MIB2: variants seen among roughly 807,000 people sequenced by gnomAD.
MIB2 encodes MIB E3 ubiquitin protein ligase 2.
Under a neutral mutation model 96.6 loss-of-function variants are expected in MIB2, and 78 were observed. The ratio of observed to expected loss-of-function variants is 0.81; its 90% CI spans 0.67 to 0.97. MIB2 has a LOEUF of 0.97. Among genes scored for constraint, MIB2 ranks in the 50% least tolerant of loss-of-function variants. The probability of loss-of-function intolerance (pLI) is 0.00; values close to 1 mark genes in which losing one functional copy is unlikely to be tolerated. For missense variants in MIB2, 1,543 were observed against 1,424.0 expected (o/e 1.08, Z -1.35); for synonymous variants, 820 against 629.5 (o/e 1.30, Z -4.53).
At position 1,629,279 on chromosome 1, in the gene MIB2, C is replaced by T. The variant is rs551860185; in HGVS notation, c.2349C>T (p.Leu783=). 3 of 1,540,374 alleles carry T rather than the reference C, an allele frequency of 1.9e-6. No homozygotes were observed. Among genetic ancestry groups the T allele is most frequent in the Non-Finnish European group, 2.6e-6 (3 of 1,155,780 alleles). Residue 783 remains leucine, a synonymous_variant, in exon 17 of 20, where the codon CTC becomes CTT. Transcript: ENST00000355826. ...ACCTGGCCGCCGAGGGTCGCGTGCT[C>T]AAGGCCCTTCAGGGCTGCGCCCAGC... ...PLDLAAEGRV[L]KALQGCAQRF... is the part of the protein sequence containing the mutation.
chr1:1,617,514 C>G (rs1211322507), intron 2 of MIB2: 1 of 152,168 alleles, frequency 6.6e-6, no homozygotes, highest in African/African-American at 2.4e-5. Flanking sequence ...GTGGTTAAGA[C>G]GGTAAATGCT....
chr1:1,628,424 C>T (rs558160842), intron 15 of MIB2, 25 bp downstream of exon 15: 2 of 1,606,172 alleles, frequency 1.2e-6, no homozygotes, highest in Non-Finnish European at 1.7e-6. Context: ...CAGTCCTGCC[C>T]AAGGACCGGG....
chr1:1,615,310 G>A (rs1570446575), upstream of MIB2: 1 of 1,374,662 alleles, frequency 7.3e-7, no homozygotes, highest in Non-Finnish European at 9.4e-7. Flanking sequence ...TATGGCAACC[G>A]AGTGCGTCTC....
chr1:1,621,244 G>C (rs1644234979), intron 2 of MIB2, among the ~76,000 whole-genome samples: 2 of 152,230 alleles, frequency 1.3e-5, no homozygotes, highest in African/African-American at 4.8e-5. Flanking sequence ...GTCACCCTGG[G>C]TGGTGGGTGG....
chr1:1,622,906 G>A (rs1412677437), intron 2 of MIB2, among the ~76,000 whole-genome samples: 2 of 152,182 alleles, frequency 1.3e-5, no homozygotes, highest in African/African-American at 4.8e-5. Flanking sequence ...CATCGTGTTT[G>A]CCGTTTTTCT....
intron 2 of MIB2, among the ~76,000 whole-genome samples, chr1:1,620,578 A>G (rs1339281415): frequency 6.6e-6 from 1 of 152,098 alleles, no homozygotes; most frequent in Non-Finnish European, 1.5e-5. Flanking sequence ...CTGCAACCCT[A>G]AGGAGCAGTG....
chr1:1,629,056 G>C, intron 16 of MIB2, 77 bp from the exon 17 acceptor site: 2 of 1,337,052 alleles, frequency 1.5e-6, no homozygotes, highest in Non-Finnish European at 1.9e-6. Context: ...GGCTGCTGGG[G>C]CTGCCAGGTG....
In MIB2 at chr1:1,629,417, G is replaced by GCCCCAGGCAAACGCTCGGGA; in HGVS notation, c.2419_2438dup (p.Asn814GlyfsTer10). The GCCCCAGGCAAACGCTCGGGA allele has an allele frequency of 2.7e-6, 4 of 1,484,620 alleles. No homozygotes were observed. Among genetic ancestry groups the GCCCCAGGCAAACGCTCGGGA allele is most frequent in the Non-Finnish European group, 3.5e-6 (4 of 1,127,360 alleles). The allele number at this position is 1,484,620 out of a possible 1,614,324, so 92.0% of individuals were successfully genotyped here. ...CAGGCGGGCGGGGGCGCGGCCCCGG[G>GCCCCAGGCAAACGCTCGGGA]CCCCAGGCAAACGCTCGGGACCCCC... On this transcript the variant is annotated frameshift_variant, in exon 18 of 20. Transcript: ENST00000355826. LOFTEE classifies it high-confidence loss of function.
rs1323514557 is a variant in MIB2, at chr1:1,630,299, T to C, written c.2637T>C (p.Ser879=). ...VVSKKLRPDG[S]EVASAAPAPG... Reference sequence around the variant, plus strand: ...CCGTCCCCCACCCCGCAGACGGCTCTGAGGTGGCGAGCGCCGCCCCCGCCC... The same window carrying C: ...CCGTCCCCCACCCCGCAGACGGCTCCGAGGTGGCGAGCGCCGCCCCCGCCC... The change falls in exon 20 of 20, where the codon TCT becomes TCC. Residue 879 remains serine, a synonymous_variant. Coordinates refer to ENST00000355826, the MANE Select transcript of MIB2 (RefSeq NM_001170687.4). 5.2e-5 allele frequency: 73 copies of C among 1,400,384 alleles called. No individual in the cohort carries two copies. Among genetic ancestry groups the C allele is most frequent in the Non-Finnish European group, 6.6e-5 (70 of 1,066,778 alleles). The allele number at this position is 1,400,384 out of a possible 1,614,324, so 86.7% of individuals were successfully genotyped here.
In MIB2 at chr1:1,628,015, G is replaced by C. The variant is rs773226030; in HGVS notation, c.1681-4G>C. 2 of 1,612,340 alleles carry C rather than the reference G, an allele frequency of 1.2e-6. No individual in the cohort carries two copies. Among genetic ancestry groups the C allele is most frequent in the Admixed American group, 1.7e-5 (1 of 59,988 alleles). On this transcript the variant is annotated splice_polypyrimidine_tract_variant and splice_region_variant and intron_variant, in intron 13 of 19. Coordinates refer to ENST00000355826, the MANE Select transcript of MIB2 (RefSeq NM_001170687.4). The stretch of plus-strand genomic sequence containing the variant: ...CCAGGTGACCACTGACTCCGCCCCA[G>C]CAGGACGCCCACTCGGACACGCCCC...
In MIB2 at chr1:1,629,754, C is replaced by T. The variant is rs372506730; in HGVS notation, c.2629+50C>T. The T allele has an allele frequency of 1.4e-5, 21 of 1,504,776 alleles. No individual in the cohort carries two copies. The African/African-American group carries it at 2.5e-4, about 18-fold the overall frequency. The allele number at this position is 1,504,776 out of a possible 1,614,324, so 93.2% of individuals were successfully genotyped here. A position where few individuals can be genotyped will look rare whatever the true frequency, so the allele number is the denominator to read the frequency against. On this transcript the variant is annotated intron_variant, in intron 19 of 19. Coordinates refer to ENST00000355826, the MANE Select transcript of MIB2 (RefSeq NM_001170687.4). ...CACGCCTCCTGCTCAGCTGGTGGCC[C>T]GCGGGTCCCCGTCCCCCACCCCTTC...
chr1:1,626,444 C>T lies in MIB2; in HGVS notation c.973-206C>T, dbSNP rs1248032643. Reference sequence around the variant, plus strand: ...CTGCCTGGACACTCCTCCCATGGCTCTGGGGCTAGGGACACCCAGGGCTGC... The same window carrying T: ...CTGCCTGGACACTCCTCCCATGGCTTTGGGGCTAGGGACACCCAGGGCTGC... On this transcript the variant is annotated intron_variant, in intron 8 of 19. Transcript: ENST00000355826. The surrounding 1 kb of genome is among the most constrained non-coding windows in gnomAD (Gnocchi z 5.3). 2 of 564,946 alleles carry T rather than the reference C, an allele frequency of 3.5e-6. No individual in the cohort carries two copies. The highest frequency in any genetic ancestry group is 6.2e-6 in the Non-Finnish European group (2 of 321,526). The allele number at this position is 564,946 out of a possible 1,614,324, so 35.0% of individuals were successfully genotyped here. A position where few individuals can be genotyped will look rare whatever the true frequency, so the allele number is the denominator to read the frequency against.
At chr1:1,627,649 C>G (rs1248280356) in intron 12 of MIB2, 24 bp from the exon 13 acceptor site, 1 of 1,584,506 alleles carries the variant, frequency 6.3e-7, no homozygotes, top group Non-Finnish European at 8.5e-7. Context: ...GGCGCCCTCC[C>G]TCTCCCACTT....
In MIB2 at chr1:1,624,852, G is replaced by A. The variant is rs746414309; in HGVS notation, c.477G>A (p.Gln159=). ...GGATCCCACTAAGGGGCATCTTCCA[G>A]GGAGCGAAGGTGGTGCGAGGCCCCG... ...LPRIPLRGIF[Q]GAKVVRGPDW... Residue 159 remains glutamine (Q), a synonymous_variant, in exon 5 of 20, where the codon CAG becomes CAA. Transcript: ENST00000355826. 3.1e-6 allele frequency: 5 copies of A among 1,613,032 alleles called. No individual in the cohort carries two copies. Among genetic ancestry groups the A allele is most frequent in the Admixed American group, 3.3e-5 (2 of 59,988 alleles).
chr1:1,628,701 G>GC lies in MIB2; in HGVS notation c.2184dup (p.Gln730AlafsTer102). 2 of 1,555,716 alleles carry GC rather than the reference G, an allele frequency of 1.3e-6. No individual in the cohort carries two copies. The highest frequency in any genetic ancestry group is 1.7e-6 in the Non-Finnish European group (2 of 1,151,146). Reference sequence around the variant, plus strand: ...CTGATGGGGCCGGGGGGGACCCAGGGCCCTTGCAGCTGCTGTCCAGGGTGA... The same window carrying GC: ...CTGATGGGGCCGGGGGGGACCCAGGGCCCCTTGCAGCTGCTGTCCAGGGTGA... On this transcript the variant is annotated frameshift_variant, in exon 16 of 20. Coordinates refer to ENST00000355826, the MANE Select transcript of MIB2 (RefSeq NM_001170687.4). LOFTEE classifies it high-confidence loss of function.
chr1:1,629,550 C>T lies in MIB2; in HGVS notation c.2547C>T (p.His849=). Reference sequence around the variant, plus strand: ...TGGTGCTGTTCTCGCCGTGCCAGCACCGCACCGTGTGTGAGGGTGAGTGGG... The same window carrying T: ...TGGTGCTGTTCTCGCCGTGCCAGCATCGCACCGTGTGTGAGGGTGAGTGGG... ...ALLVLFSPCQ[H]RTVCEECARR... Residue 849 remains histidine (H), a synonymous_variant, in exon 18 of 20, where the codon CAC becomes CAT. Transcript: ENST00000355826. 2 of 1,554,016 alleles carry T rather than the reference C, an allele frequency of 1.3e-6. No homozygotes were observed. Among genetic ancestry groups the T allele is most frequent in the Non-Finnish European group, 1.7e-6 (2 of 1,153,236 alleles).
rs1259789083 is a variant in MIB2 at position 1,625,156 on chromosome 1, T to C, written c.692T>C (p.Phe231Ser). ...TGTGTGGGCGAGGCAGCGGGCGGCT[T>C]CTACTACAAGGACCACCTCCCAAGG... ...LKCVGEAAGG[F>S]YYKDHLPRLG... The change falls in exon 6 of 20, where the codon TTC becomes TCC. Residue 231 changes from phenylalanine to serine, a missense_variant. Phe to Ser is a radical substitution (Grantham distance 155). Coordinates refer to ENST00000355826, the MANE Select transcript of MIB2 (RefSeq NM_001170687.4). The surrounding 1 kb of genome is among the most constrained non-coding windows in gnomAD (Gnocchi z 5.0). 1 of 1,612,230 alleles carries C rather than the reference T, an allele frequency of 6.2e-7. No individual in the cohort carries two copies. The highest frequency in any genetic ancestry group is 1.1e-5 in the South Asian group (1 of 91,038).
chr1:1,622,667 G>A (rs1557573870), intron 2 of MIB2, among the ~76,000 whole-genome samples: 1 of 152,194 alleles, frequency 6.6e-6, no homozygotes, highest in Non-Finnish European at 1.5e-5. Flanking sequence ...AGGACCCCGT[G>A]GCCACTGAGG....
In MIB2 at chr1:1,624,786, C is replaced by T; in HGVS notation, c.420-9C>T. The T allele has an allele frequency of 1.2e-6, 2 of 1,610,748 alleles. No homozygotes were observed. The highest frequency in any genetic ancestry group is 1.1e-5 in the South Asian group (1 of 90,874). ...CTTCTGAGAGCTTTATTTGTGAACC[C>T]TCTTGCAGTGTCACACTGAGTCCCC... On this transcript the variant is annotated splice_polypyrimidine_tract_variant and intron_variant, in intron 4 of 19. Coordinates refer to ENST00000355826, the MANE Select transcript of MIB2 (RefSeq NM_001170687.4).
Sources: allele counts gnomAD v4.1 joint callset (sites outside exome capture counted in the v4.1 genomes callset), GRCh38; gene constraint gnomAD v4.1.1; non-coding constraint Gnocchi (gnomAD v3.1); transcripts MANE v1.5; gene names NCBI Gene and HGNC (gene_info 2026-07-23, HGNC 2026-07-21).